Variants in EVL observed in about 807,000 individuals in gnomAD.
EVL encodes the protein ena/VASP-like protein.
EVL carries 21 observed loss-of-function variants against 59.6 expected under a neutral mutation model. That is an observed-to-expected ratio of 0.35 (90% CI 0.25 to 0.51). The LOEUF (loss-of-function observed/expected upper bound fraction) is 0.51, where lower values mean the gene tolerates loss of function less well. Among genes scored for constraint, EVL ranks in the 20% least tolerant of loss-of-function variants. The probability of loss-of-function intolerance (pLI) is 0.97; values close to 1 mark genes in which losing one functional copy is unlikely to be tolerated. For missense variants in EVL, 462 were observed against 546.6 expected, an observed-to-expected ratio of 0.85 and a Z score of 1.54; for synonymous variants, 198 against 203.5, an observed-to-expected ratio of 0.97 and a Z score of 0.23.
intron 3 of EVL, among the ~76,000 whole-genome samples, chr14:100,099,394 A>T (rs1221595057): frequency 1.3e-5 from 2 of 152,148 alleles, no homozygotes; most frequent in South Asian, 4.1e-4. Context: ...ACCCACACAC[A>T]CACACACTGT....
intron 1 of EVL, among the ~76,000 whole-genome samples, chr14:99,997,861 A>G (rs1230552373): frequency 2.0e-5 from 3 of 152,118 alleles, no homozygotes; most frequent in Non-Finnish European, 2.9e-5. Context: ...TACTCTATAC[A>G]GTTCCCTTTC....
intron 2 of EVL, among the ~76,000 whole-genome samples, 175 bp from the exon 3 acceptor site, chr14:100,097,304 TCA>T (rs1225685058): frequency 6.6e-6 from 1 of 152,174 alleles, no homozygotes; most frequent in East Asian, 1.9e-4. Context: ...TTGCAAACCC[TCA>T]CTGTTCTATA....
At chr14:100,115,650 G>A (rs1887293261) in intron 3 of EVL, among the ~76,000 whole-genome samples, 1 of 152,196 alleles carries the variant, frequency 6.6e-6, no homozygotes, top group African/African-American at 2.4e-5. Flanking sequence ...CAGGGCCAGG[G>A]CTTAGGTAGG....
intron 1 of EVL, chr14:100,052,752 C>CAA (rs750058813): frequency 1.0e-4 from 13 of 124,620 alleles, no homozygotes; most frequent in Non-Finnish European, 1.2e-4. Context: ...GACCGTGTCT[C>CAA]AAAAAAAAAA....
intron 2 of EVL, among the ~76,000 whole-genome samples, chr14:100,090,156 T>G (rs1443552391): frequency 6.6e-6 from 1 of 152,180 alleles, no homozygotes; most frequent in African/African-American, 2.4e-5. Flanking sequence ...ATGTCGCGGT[T>G]TTTTTGAATG....
chr14:100,044,019 C>T (rs1399486515), intron 1 of EVL, among the ~76,000 whole-genome samples: 1 of 152,182 alleles, frequency 6.6e-6, no homozygotes, highest in Non-Finnish European at 1.5e-5. Context: ...GGTAGGTCTT[C>T]CCTACTCAGT....
intron 1 of EVL, among the ~76,000 whole-genome samples, chr14:100,047,116 C>CATTTTTTTT (rs2061563884): frequency 7.0e-5 from 2 of 28,458 alleles, no homozygotes; most frequent in South Asian, 2.3e-3. Context: ...AGATCTCTCT[C>CATTTTTTTT]TCTTTTTTTT....
intron 4 of EVL, among the ~76,000 whole-genome samples, chr14:100,125,004 G>GCA (rs141448450): frequency 2.0e-5 from 3 of 149,348 alleles, no homozygotes; most frequent in East Asian, 3.9e-4. Flanking sequence ...ACACACATGC[G>GCA]CACACACACA....
At chr14:100,076,468 G>A (rs1298649959) in intron 1 of EVL, among the ~76,000 whole-genome samples, 1 of 152,216 alleles carries the variant, frequency 6.6e-6, no homozygotes, top group East Asian at 1.9e-4. Context: ...GTTCAGTGGT[G>A]TGCAGAGGGA....
intron 1 of EVL, among the ~76,000 whole-genome samples, chr14:100,014,947 A>T (rs2140195407): frequency 6.6e-6 from 1 of 152,358 alleles, no homozygotes; most frequent in Non-Finnish European, 1.5e-5. Flanking sequence ...GCTGACTTCC[A>T]TTTGTGGCTC....
At chr14:100,041,296 A>G (rs1658115088) in intron 1 of EVL, among the ~76,000 whole-genome samples, 1 of 152,170 alleles carries the variant, frequency 6.6e-6, no homozygotes, top group Non-Finnish European at 1.5e-5. Context: ...AAGCCATGAG[A>G]TGTGAGGTGG....
chr14:100,079,221 G>A (rs7151749), intron 1 of EVL, among the ~76,000 whole-genome samples: 27,290 of 152,248 alleles, frequency 0.18, 3,488 homozygotes, highest in African/African-American at 0.36. Flanking sequence ...CCAGGCTGTT[G>A]TGAGAGAGAA....
intron 1 of EVL, among the ~76,000 whole-genome samples, chr14:100,072,005 T>C (rs982938526): frequency 6.6e-6 from 1 of 152,194 alleles, no homozygotes; most frequent in Non-Finnish European, 1.5e-5. Flanking sequence ...AAATATAGCT[T>C]TCCATTGGAG....
chr14:100,125,169 TAC>T (rs34405834), intron 4 of EVL, among the ~76,000 whole-genome samples: 61,907 of 102,738 alleles, frequency 0.6, 19,327 homozygotes, highest in Non-Finnish European at 0.68. Flanking sequence ...AAGGCAGGAA[TAC>T]ACACACACAC....
rs373416421 is a variant in EVL, at chr14:100,097,433, C to T, written c.181-48C>T. The T allele has an allele frequency of 8.6e-5, 134 of 1,551,434 alleles. 1 individual carries two copies. The African/African-American group carries it at 1.5e-3, about 18-fold the overall frequency. On this transcript the variant is annotated intron_variant, in intron 2 of 13. Coordinates refer to ENST00000392920, the MANE Select transcript of EVL (RefSeq NM_016337.3). ...CTCCATCGCAGCGCCCTCGAGCTCA[C>T]TTACATTTTATTTATTTACACGTAT...
chr14:100,091,281 G>A (rs2062558724), intron 2 of EVL, among the ~76,000 whole-genome samples: 1 of 152,132 alleles, frequency 6.6e-6, no homozygotes, highest in Non-Finnish European at 1.5e-5. Context: ...TTGTCTGATT[G>A]TGGGTGCTAA....
intron 1 of EVL, among the ~76,000 whole-genome samples, chr14:100,019,916 G>A (rs1317160986): frequency 1.3e-5 from 2 of 152,180 alleles, no homozygotes; most frequent in Non-Finnish European, 2.9e-5. Context: ...GTCTGATCAT[G>A]GGTGAATTTG....
intron 3 of EVL, among the ~76,000 whole-genome samples, chr14:100,099,128 A>T (rs1886015166): frequency 7.0e-6 from 1 of 142,014 alleles, no homozygotes; most frequent in African/African-American, 2.7e-5. Flanking sequence ...GGATCACTTG[A>T]GGTCCGGAGT....
chr14:99,984,252 G>C (rs1347071856), intron 1 of EVL, among the ~76,000 whole-genome samples: 1 of 152,192 alleles, frequency 6.6e-6, no homozygotes, highest in Non-Finnish European at 1.5e-5. Flanking sequence ...GCTGCCATAA[G>C]ACATGATTTG....
Sources: gnomAD v4.1 joint callset for allele counts (sites outside exome capture counted in the v4.1 genomes callset) on GRCh38, gnomAD v4.1.1 for gene constraint, MANE v1.5 for transcripts, NCBI Gene and HGNC (gene_info 2026-07-23, HGNC 2026-07-21) for gene names.